Variants in CARM1 observed in about 807,000 individuals in gnomAD.
The protein encoded by CARM1 is coactivator associated arginine methyltransferase 1, also known as histone-arginine methyltransferase CARM1.
A neutral mutation model predicts 72.7 loss-of-function variants in CARM1; 14 were observed. The observed-to-expected ratio is 0.19, with a 90% CI of 0.13 to 0.30. CARM1 has a LOEUF of 0.30. Ranked by LOEUF, CARM1 falls within the 10% of genes least tolerant of loss-of-function variation. The probability of loss-of-function intolerance (pLI) is 1.00; values close to 1 mark genes in which losing one functional copy is unlikely to be tolerated. For missense variants in CARM1, 432 were observed against 833.7 expected (o/e 0.52, Z 5.93); for synonymous variants, 333 against 345.5 (o/e 0.96, Z 0.40).
At position 10,884,472 on chromosome 19, in the gene CARM1, T is replaced by G. The variant is rs74751897; in HGVS notation, c.220+12550T>G. ...AAAGATCTAGGATTACAGGCCTGAG[T>G]CACTGTGCCCAGCCCAACCTGCCAC... On this transcript the variant is annotated intron_variant, in intron 1 of 15. Transcript: ENST00000327064. Among the ~76,000 whole-genome samples the G allele has an allele frequency of 7.1e-3, 1,071 of 150,862 alleles. 6 individuals are homozygous for G. The highest frequency in any genetic ancestry group is 0.014 in the Middle Eastern group (4 of 294).
intron 2 of CARM1, 42 bp downstream of exon 2, chr19:10,905,118 C>T (rs762557629): frequency 4.4e-6 from 7 of 1,603,474 alleles, no homozygotes; most frequent in Middle Eastern, 2.1e-4. Flanking sequence ...CAGCCCAAAG[C>T]GCCCAGAGCC....
At chr19:10,910,274 C>T (rs1327777688) in intron 4 of CARM1, among the ~76,000 whole-genome samples, 1 of 152,038 alleles carries the variant, frequency 6.6e-6, no homozygotes, top group South Asian at 2.1e-4. Context: ...GTTAGCAGTT[C>T]GAGACCACCC....
chr19:10,875,617 G>C (rs908001880), intron 1 of CARM1, among the ~76,000 whole-genome samples: 4 of 151,946 alleles, frequency 2.6e-5, no homozygotes, highest in Non-Finnish European at 5.9e-5. Context: ...GTAGAGACGG[G>C]GTTTCACCGT....
At chr19:10,883,756 G>A (rs1054962580) in intron 1 of CARM1, among the ~76,000 whole-genome samples, 2 of 152,164 alleles carry the variant, frequency 1.3e-5, no homozygotes, top group African/African-American at 2.4e-5. Context: ...GGTGGCTCAC[G>A]CCTGTAATCC....
At chr19:10,890,727 A>G (rs2073978772) in intron 1 of CARM1, among the ~76,000 whole-genome samples, 1 of 148,354 alleles carries the variant, frequency 6.7e-6, no homozygotes, top group African/African-American at 2.5e-5. Context: ...ATGAATATAT[A>G]GACACATATA....
At chr19:10,901,258 C>T (rs970334010) in intron 1 of CARM1, among the ~76,000 whole-genome samples, 3 of 152,164 alleles carry the variant, frequency 2.0e-5, no homozygotes, top group African/African-American at 7.2e-5. Context: ...GCTGGGATTA[C>T]AGGCATGAGC....
At chr19:10,906,907 T>G (rs560962189) in intron 2 of CARM1, among the ~76,000 whole-genome samples, 2 of 149,624 alleles carry the variant, frequency 1.3e-5, no homozygotes, top group African/African-American at 4.9e-5. Flanking sequence ...TTTATTTTAT[T>G]TTATTTTATT....
chr19:10,872,550 A>G (rs1439682926), intron 1 of CARM1, among the ~76,000 whole-genome samples: 1 of 152,100 alleles, frequency 6.6e-6, no homozygotes, highest in Non-Finnish European at 1.5e-5. Flanking sequence ...CTCCTCGTGG[A>G]AACGTGGACG....
intron 1 of CARM1, among the ~76,000 whole-genome samples, chr19:10,901,005 G>C (rs907115832): frequency 2.3e-4 from 32 of 141,184 alleles, no homozygotes; most frequent in Admixed American, 1.0e-3. Context: ...TTTCTGAAGC[G>C]GAGTCTCACT....
intron 1 of CARM1, among the ~76,000 whole-genome samples, chr19:10,874,305 G>C (rs190969111): frequency 4.3e-4 from 66 of 152,148 alleles, no homozygotes; most frequent in Middle Eastern, 6.8e-3. Flanking sequence ...CTCAGTCCCA[G>C]ATTCCCAGAT....
intron 1 of CARM1, among the ~76,000 whole-genome samples, chr19:10,890,105 T>C (rs563732787): frequency 6.6e-6 from 1 of 151,934 alleles, no homozygotes; most frequent in Admixed American, 6.6e-5. Flanking sequence ...AAAATTAGCC[T>C]TCCATGGTGG....
intron 4 of CARM1, among the ~76,000 whole-genome samples, chr19:10,911,093 G>A (rs1335252322): frequency 6.6e-6 from 1 of 151,906 alleles, no homozygotes; most frequent in Non-Finnish European, 1.5e-5. Context: ...GTTCTGCCAT[G>A]TTGCCCAGGC....
At position 10,881,766 on chromosome 19, in the gene CARM1, C is replaced by T. The variant is rs576087454; in HGVS notation, c.220+9844C>T. The stretch of plus-strand genomic sequence containing the variant: ...AAACAGGCAGCGAAAGTGGACTCGC[C>T]GTCTCCATAGTGCGGTAGCTCCCAT... On this transcript the variant is annotated intron_variant, in intron 1 of 15. Coordinates refer to ENST00000327064, the MANE Select transcript of CARM1 (RefSeq NM_199141.2). Among the ~76,000 whole-genome samples the T allele has an allele frequency of 3.3e-5, 5 of 152,202 alleles. No homozygotes were observed. The South Asian group carries it at 8.3e-4, about 25-fold the overall frequency.
intron 1 of CARM1, among the ~76,000 whole-genome samples, chr19:10,879,307 G>A (rs1280714343): frequency 2.0e-5 from 3 of 152,204 alleles, no homozygotes; most frequent in African/African-American, 4.8e-5. Flanking sequence ...TGGCTAGAAT[G>A]TAGTCACATG....
Position 10,894,655 on chromosome 19 carries a change from G to A in CARM1, c.221-10296G>A, listed in dbSNP as rs548369863. Among the ~76,000 whole-genome samples, 51 of 151,434 alleles carry A rather than the reference G, an allele frequency of 3.4e-4. 1 individual carries two copies. The highest frequency in any genetic ancestry group is 1.2e-3 in the African/African-American group (49 of 41,272). On this transcript the variant is annotated intron_variant, in intron 1 of 15. Transcript: ENST00000327064. ...GTTCCCCCTGGAGATGCAAGAGCTT[G>A]AAATGTGGCCTTTCTCCCCCGAGCT...
rs561096438 is a variant in CARM1 at position 10,874,381 on chromosome 19, A to AT, written c.220+2467dup. 4.2e-3 allele frequency among the ~76,000 whole-genome samples: 618 copies of AT among 148,104 alleles called. 22 individuals carry two copies. Among genetic ancestry groups the AT allele is most frequent in the Admixed American group, 0.04 (598 of 14,876 alleles). On this transcript the variant is annotated intron_variant, in intron 1 of 15. Transcript: ENST00000327064. Reference sequence around the variant, plus strand: ...TTTTTGTTTTTTTTCTTTCTTTTTTATTTTTTTTATTTTTATTTTTTATTT... The same window carrying AT: ...TTTTTGTTTTTTTTCTTTCTTTTTTATTTTTTTTTATTTTTATTTTTTATTT...
At chr19:10,883,449 G>T (rs1427494885) in intron 1 of CARM1, among the ~76,000 whole-genome samples, 1 of 152,162 alleles carries the variant, frequency 6.6e-6, no homozygotes, top group East Asian at 1.9e-4. Flanking sequence ...CTCACTCTGG[G>T]GAACTGCTTG....
At chr19:10,919,496 C>A in intron 8 of CARM1, 99 bp from the exon 9 acceptor site, 1 of 865,634 alleles carries the variant, frequency 1.2e-6, no homozygotes, top group Non-Finnish European at 1.9e-6. Context: ...AGCTGCACAG[C>A]CTAGAAGCCG....
At position 10,916,832 on chromosome 19, in the gene CARM1, C is replaced by A; in HGVS notation, c.1020+55C>A. ...GTGATCACTTGCCATTGCTGTGCAG[C>A]TGTGCAGCCCTCAGGAAGCTACAGC... On this transcript the variant is annotated intron_variant, in intron 8 of 15. Coordinates refer to ENST00000327064, the MANE Select transcript of CARM1 (RefSeq NM_199141.2). The surrounding 1 kb of genome is among the most constrained non-coding windows in gnomAD (Gnocchi z 4.4). 1 of 1,299,374 alleles carries A rather than the reference C, an allele frequency of 7.7e-7. No individual in the cohort carries two copies. Among genetic ancestry groups the A allele is most frequent in the Non-Finnish European group, 1.1e-6 (1 of 923,638 alleles). 80.5% of individuals were successfully genotyped at this position (1,299,374 alleles called of 1,614,324 possible).
Sources: allele counts gnomAD v4.1 joint callset (sites outside exome capture counted in the v4.1 genomes callset), GRCh38; gene constraint gnomAD v4.1.1; non-coding constraint Gnocchi (gnomAD v3.1); transcripts MANE v1.5; gene names NCBI Gene and HGNC (gene_info 2026-07-23, HGNC 2026-07-21).